The following COL13A1 variants were observed in gnomAD, a reference collection of about 807,000 sequenced individuals.
The protein encoded by COL13A1 is collagen alpha-1(XIII) chain.
COL13A1 carries 89 observed loss-of-function variants against 130.9 expected under a neutral mutation model. That is an observed-to-expected ratio of 0.68 (90% CI 0.57 to 0.81). The LOEUF (loss-of-function observed/expected upper bound fraction) is 0.81, where lower values mean the gene tolerates loss of function less well. COL13A1 is among the 30% of genes least tolerant of loss of function. COL13A1 has a pLI of 0.00. For synonymous variants in COL13A1, 402 were observed against 341.6 expected, an observed-to-expected ratio of 1.18 and a Z score of -1.95; for missense variants, 879 against 934.6, an observed-to-expected ratio of 0.94 and a Z score of 0.78.
intron 2 of COL13A1, among the ~76,000 whole-genome samples, chr10:69,846,921 G>C (rs879087205): frequency 6.6e-6 from 1 of 152,200 alleles, no homozygotes; most frequent in Admixed American, 6.5e-5. Context: ...TGATTCAAGT[G>C]GGGGTGCTTC....
intron 1 of COL13A1, 64 bp downstream of exon 1, chr10:69,802,781 C>A: frequency 6.3e-7 from 1 of 1,590,420 alleles, no homozygotes; most frequent in Non-Finnish European, 8.6e-7. Context: ...AGCCTCCAGA[C>A]TGTTCAGCCG....
intron 2 of COL13A1, among the ~76,000 whole-genome samples, chr10:69,835,720 G>A (rs1849871593): frequency 6.6e-6 from 1 of 152,222 alleles, no homozygotes; most frequent in South Asian, 2.1e-4. Flanking sequence ...GCCCCCCAGG[G>A]ACCCAAGTGC....
intron 10 of COL13A1, among the ~76,000 whole-genome samples, chr10:69,890,831 G>C (rs1379188792): frequency 6.6e-6 from 1 of 152,210 alleles, no homozygotes; most frequent in Non-Finnish European, 1.5e-5. Context: ...TGTGCTCCAG[G>C]TCTTGCTAGA....
chr10:69,958,844 C>A lies in COL13A1; in HGVS notation c.*143C>A. 1 of 1,085,458 alleles carries A rather than the reference C, an allele frequency of 9.2e-7. No individual in the cohort carries two copies. The highest frequency in any genetic ancestry group is 1.3e-6 in the Non-Finnish European group (1 of 767,260). The allele number at this position is 1,085,458 out of a possible 1,614,324, so 67.2% of individuals were successfully genotyped here. On this transcript the variant is annotated 3_prime_UTR_variant, in exon 41 of 41. Transcript: ENST00000645393. ...GAAAGAAAAACCTGCATATTTTGTA[C>A]AGAAAATATCAACCTCTTCCCTTTT...
chr10:69,900,540 G>C (rs2062082238), intron 14 of COL13A1, among the ~76,000 whole-genome samples: 1 of 152,222 alleles, frequency 6.6e-6, no homozygotes, highest in Non-Finnish European at 1.5e-5. Context: ...TCTGCCTCCA[G>C]AATCAGGTTT....
At chr10:69,845,835 G>T (rs1233069277) in intron 2 of COL13A1, among the ~76,000 whole-genome samples, 1 of 152,266 alleles carries the variant, frequency 6.6e-6, no homozygotes, top group Non-Finnish European at 1.5e-5. Flanking sequence ...CTGTGGTCTG[G>T]AAATCTGCAT....
intron 2 of COL13A1, among the ~76,000 whole-genome samples, chr10:69,837,918 C>T (rs1164772784): frequency 6.6e-6 from 1 of 152,218 alleles, no homozygotes; most frequent in Non-Finnish European, 1.5e-5. Context: ...CATTTGCCCA[C>T]CTTAAAAGCC....
At chr10:69,817,610 G>A (rs1308163510) in intron 1 of COL13A1, among the ~76,000 whole-genome samples, 2 of 152,092 alleles carry the variant, frequency 1.3e-5, no homozygotes, top group African/African-American at 4.8e-5. Flanking sequence ...CTGTGTGCAG[G>A]GGTGGGGTAG....
At chr10:69,908,418 G>C (rs2063016847) in intron 17 of COL13A1, among the ~76,000 whole-genome samples, 1 of 152,292 alleles carries the variant, frequency 6.6e-6, no homozygotes. Flanking sequence ...GCCTCCTGGT[G>C]CAACGCGGGA....
intron 2 of COL13A1, among the ~76,000 whole-genome samples, chr10:69,864,199 A>G (rs570509337): frequency 6.1e-4 from 88 of 144,772 alleles, no homozygotes; most frequent in Middle Eastern, 3.7e-3. Flanking sequence ...TTCCAAGTCT[A>G]TGGAAGGGGT....
At chr10:69,905,847 G>C in intron 17 of COL13A1, 25 bp downstream of exon 17, 1 of 1,612,996 alleles carries the variant, frequency 6.2e-7, no homozygotes, top group Middle Eastern at 1.7e-4. Flanking sequence ...GAGGACCCAA[G>C]TGGGGCAGGA....
At chr10:69,957,298 T>C (rs972298446) in intron 40 of COL13A1, among the ~76,000 whole-genome samples, 2 of 152,360 alleles carry the variant, frequency 1.3e-5, no homozygotes, top group South Asian at 4.1e-4. Context: ...TTATGCTTTG[T>C]GTGTTCAATG....
At chr10:69,851,778 C>T (rs1854907787) in intron 2 of COL13A1, among the ~76,000 whole-genome samples, 1 of 152,146 alleles carries the variant, frequency 6.6e-6, no homozygotes, top group South Asian at 2.1e-4. Context: ...TCTCAGCCTC[C>T]CAAGTAGGTG....
intron 12 of COL13A1, 44 bp downstream of exon 12, chr10:69,894,745 G>C: frequency 1.9e-6 from 3 of 1,612,518 alleles, no homozygotes; most frequent in Non-Finnish European, 2.5e-6. Context: ...CTCAGGAAAT[G>C]GCCTCCCAGT....
At chr10:69,913,029 A>G (rs1158323191) in intron 17 of COL13A1, among the ~76,000 whole-genome samples, 1 of 152,218 alleles carries the variant, frequency 6.6e-6, no homozygotes, top group African/African-American at 2.4e-5. Flanking sequence ...CCTCAAAATC[A>G]GGGATGGGAC....
intron 37 of COL13A1, among the ~76,000 whole-genome samples, 166 bp downstream of exon 37, chr10:69,945,890 G>A (rs998144244): frequency 2.0e-5 from 3 of 152,222 alleles, no homozygotes; most frequent in African/African-American, 7.2e-5. Flanking sequence ...GGCCAACACG[G>A]TGAAACCCCG....
At chr10:69,888,582 T>C (rs1446603320) in intron 9 of COL13A1, among the ~76,000 whole-genome samples, 1 of 151,880 alleles carries the variant, frequency 6.6e-6, no homozygotes, top group Admixed American at 6.6e-5. Context: ...CTAGAATGGG[T>C]GATTCTGGGT....
intron 7 of COL13A1, among the ~76,000 whole-genome samples, chr10:69,885,008 G>GT (rs1281023062): frequency 1.3e-5 from 2 of 152,168 alleles, no homozygotes; most frequent in Admixed American, 1.3e-4. Context: ...CAGTTGTTTG[G>GT]TTTTTTTATT....
intron 2 of COL13A1, chr10:69,860,818 C>A: frequency 5.4e-6 from 1 of 183,908 alleles, no homozygotes; most frequent in South Asian, 7.1e-5. Flanking sequence ...AAGGGGATCT[C>A]CTGTCCCTCT....
Sources: gnomAD v4.1 joint callset for allele counts (sites outside exome capture counted in the v4.1 genomes callset) on GRCh38, gnomAD v4.1.1 for gene constraint, MANE v1.5 for transcripts, NCBI Gene and HGNC (gene_info 2026-07-23, HGNC 2026-07-21) for gene names.